Variants in STRBP observed in about 807,000 individuals in gnomAD.
STRBP encodes the protein spermatid perinuclear RNA binding protein.
In STRBP, 13 loss-of-function variants were observed where a neutral mutation model predicts 80.1. That is an observed-to-expected ratio of 0.16 (90% CI 0.11 to 0.26). The LOEUF (loss-of-function observed/expected upper bound fraction) is 0.26. Among genes scored for constraint, STRBP ranks in the 10% least tolerant of loss-of-function variants. STRBP has a pLI of 1.00. For synonymous variants in STRBP, 284 were observed against 291.2 expected (o/e 0.98, Z 0.25); for missense variants, 485 against 815.2 (o/e 0.59, Z 4.93).
intron 2 of STRBP, among the ~76,000 whole-genome samples, chr9:123,186,654 A>C (rs1452011200): frequency 1.3e-5 from 2 of 152,202 alleles, no homozygotes; most frequent in African/African-American, 4.8e-5. Context: ...AAAATGAAAC[A>C]GAATCAGCAA....
At chr9:123,189,733 G>A (rs2132481152) in intron 2 of STRBP, among the ~76,000 whole-genome samples, 1 of 150,862 alleles carries the variant, frequency 6.6e-6, no homozygotes, top group South Asian at 2.1e-4. Flanking sequence ...AGCATTAGGA[G>A]AAATACCTAA....
intron 7 of STRBP, 70 bp from the exon 8 acceptor site, chr9:123,160,532 A>T: frequency 8.3e-7 from 1 of 1,202,198 alleles, no homozygotes; most frequent in Middle Eastern, 2.0e-4. Context: ...AGTTCTTTCA[A>T]GTGAATACTA....
intron 2 of STRBP, among the ~76,000 whole-genome samples, chr9:123,215,983 T>C (rs1456519238): frequency 1.3e-5 from 2 of 152,168 alleles, no homozygotes; most frequent in African/African-American, 4.8e-5. Context: ...TGCTGAAAAT[T>C]AGACTCAACC....
At chr9:123,260,201 G>C (rs944532954) in intron 1 of STRBP, among the ~76,000 whole-genome samples, 2 of 152,322 alleles carry the variant, frequency 1.3e-5, no homozygotes, top group South Asian at 2.1e-4. Flanking sequence ...GCAGGAGAGA[G>C]AGAGACATCA....
chr9:123,220,577 T>G (rs907502329), intron 2 of STRBP, among the ~76,000 whole-genome samples: 2 of 152,172 alleles, frequency 1.3e-5, no homozygotes, highest in Non-Finnish European at 2.9e-5. Context: ...TAAAATGGCA[T>G]GTAGGTGGAG....
rs2036350981 is a variant in STRBP, at chr9:123,136,311, T to C, written c.1632+70A>G. 1 of 1,599,826 alleles carries C rather than the reference T, an allele frequency of 6.3e-7. No homozygotes were observed. Among genetic ancestry groups the C allele is most frequent in the African/African-American group, 1.4e-5 (1 of 74,036 alleles). ...ACAAGAACTGACTCAGTCTAAAACT[T>C]TACATTAAGTTCAGGATATCCTATG... On this transcript the variant is annotated intron_variant, in intron 15 of 18. Coordinates refer to ENST00000348403, the MANE Select transcript of STRBP (RefSeq NM_018387.5). This position sits in a 1 kb window ranked among gnomAD's most constrained non-coding sequence, Gnocchi z 4.2.
intron 2 of STRBP, among the ~76,000 whole-genome samples, chr9:123,231,303 T>C (rs1315673067): frequency 6.6e-6 from 1 of 152,226 alleles, no homozygotes; most frequent in African/African-American, 2.4e-5. Context: ...CACATCTCCA[T>C]CTGGAGGGTT....
At chr9:123,180,723 A>G (rs2038422565) in intron 3 of STRBP, 2 of 163,026 alleles carry the variant, frequency 1.2e-5, no homozygotes, top group South Asian at 4.0e-4. Flanking sequence ...TCACACATCC[A>G]AAAACCTTTA....
At chr9:123,232,300 G>C (rs941692538) in intron 2 of STRBP, among the ~76,000 whole-genome samples, 13 of 152,230 alleles carry the variant, frequency 8.5e-5, no homozygotes, top group Middle Eastern at 3.4e-3. Flanking sequence ...GACAGAGTAA[G>C]ACTCCATCTC....
At chr9:123,265,314 T>C (rs1463089640) in intron 1 of STRBP, among the ~76,000 whole-genome samples, 1 of 152,158 alleles carries the variant, frequency 6.6e-6, no homozygotes, top group East Asian at 1.9e-4. Flanking sequence ...GAACATACAA[T>C]GGCTGCATTA....
chr9:123,239,680 T>C (rs192495876), intron 1 of STRBP, among the ~76,000 whole-genome samples: 151 of 152,320 alleles, frequency 9.9e-4, no homozygotes, highest in African/African-American at 3.5e-3. Flanking sequence ...CAATATCACC[T>C]ACAATTTACT....
chr9:123,207,972 A>G (rs2039579748), intron 2 of STRBP, among the ~76,000 whole-genome samples: 1 of 152,226 alleles, frequency 6.6e-6, no homozygotes, highest in African/African-American at 2.4e-5. Context: ...GTAGAAACAA[A>G]AGGAACTTTG....
At chr9:123,190,003 G>A (rs2038862277) in intron 2 of STRBP, among the ~76,000 whole-genome samples, 1 of 152,154 alleles carries the variant, frequency 6.6e-6, no homozygotes, top group Non-Finnish European at 1.5e-5. Context: ...TAAGGGGCCA[G>A]GTGCGGTGGC....
chr9:123,192,202 T>C (rs1312196868), intron 2 of STRBP, among the ~76,000 whole-genome samples: 1 of 152,188 alleles, frequency 6.6e-6, no homozygotes, highest in East Asian at 1.9e-4. Flanking sequence ...CAGCTGGATA[T>C]GGACCTAGTG....
intron 10 of STRBP, 66 bp from the exon 11 acceptor site, chr9:123,158,189 A>T: frequency 6.7e-7 from 1 of 1,496,108 alleles, no homozygotes; most frequent in Non-Finnish European, 9.3e-7. Flanking sequence ...TAGAACATCT[A>T]GCTAAAAAGA....
At chr9:123,208,898 C>T (rs1365684419) in intron 2 of STRBP, among the ~76,000 whole-genome samples, 3 of 152,186 alleles carry the variant, frequency 2.0e-5, no homozygotes, top group Non-Finnish European at 4.4e-5. Context: ...TTCTTCTTGT[C>T]TGGTTCCCTT....
intron 6 of STRBP, among the ~76,000 whole-genome samples, chr9:123,163,738 G>A (rs1361721193): frequency 6.6e-6 from 1 of 151,968 alleles, no homozygotes; most frequent in African/African-American, 2.4e-5. Flanking sequence ...TCATTCCTTT[G>A]AAAAAACTTC....
At position 123,123,319 on chromosome 9, in the gene STRBP, G is replaced by C; in HGVS notation, c.*2278C>G. 1 of 985,362 alleles carries C rather than the reference G, an allele frequency of 1.0e-6. No homozygotes were observed. Among genetic ancestry groups the C allele is most frequent in the Non-Finnish European group, 1.2e-6 (1 of 829,932 alleles). The allele number at this position is 985,362 out of a possible 1,614,324, so 61.0% of individuals were successfully genotyped here. A position where few individuals can be genotyped will look rare whatever the true frequency, so the allele number is the denominator to read the frequency against. ...TTTCTCTGCTCTTTCAGCTGTAAGTGGAATTTTCATTACAAAATGGAAGGG... is the reference window on the plus strand; with the variant it reads ...TTTCTCTGCTCTTTCAGCTGTAAGTCGAATTTTCATTACAAAATGGAAGGG... On this transcript the variant is annotated 3_prime_UTR_variant, in exon 19 of 19. Coordinates refer to ENST00000348403, the MANE Select transcript of STRBP (RefSeq NM_018387.5).
chr9:123,255,383 A>T (rs2132640090), intron 1 of STRBP, among the ~76,000 whole-genome samples: 1 of 152,358 alleles, frequency 6.6e-6, no homozygotes, highest in Non-Finnish European at 1.5e-5. Context: ...CACTGCCTTC[A>T]TCTCAAGGTG....
Sources: gnomAD v4.1 joint callset for allele counts (sites outside exome capture counted in the v4.1 genomes callset) on GRCh38, gnomAD v4.1.1 for gene constraint, Gnocchi (gnomAD v3.1) non-coding constraint, MANE v1.5 for transcripts, NCBI Gene and HGNC (gene_info 2026-07-23, HGNC 2026-07-21) for gene names.